The following FILIP1L variants were observed in gnomAD, a reference collection of about 807,000 sequenced individuals.
FILIP1L encodes filamin A interacting protein 1 like.
In FILIP1L, 55 loss-of-function variants were observed where a neutral mutation model predicts 96.6. That is an observed-to-expected ratio of 0.57 (90% CI 0.46 to 0.71). FILIP1L has a LOEUF of 0.71. Ranked by LOEUF, FILIP1L falls within the 30% of genes least tolerant of loss-of-function variation. FILIP1L has a pLI of 0.00. For synonymous variants in FILIP1L, 467 were observed against 473.9 expected, an observed-to-expected ratio of 0.99 and a Z score of 0.19; for missense variants, 1,304 against 1,321.2, an observed-to-expected ratio of 0.99 and a Z score of 0.20.
At chr3:99,971,009 T>C (rs1202206925) in intron 1 of FILIP1L, among the ~76,000 whole-genome samples, 1 of 152,178 alleles carries the variant, frequency 6.6e-6, no homozygotes, top group Non-Finnish European at 1.5e-5. Context: ...ACAAGATATT[T>C]AACAGCAAGG....
chr3:99,877,700 T>A (rs901845526), intron 4 of FILIP1L, among the ~76,000 whole-genome samples: 3 of 152,236 alleles, frequency 2.0e-5, no homozygotes. Context: ...TGCATTGTAA[T>A]CTTTTTAGTC....
chr3:100,097,590 T>G (rs2107449913), intron 1 of FILIP1L, among the ~76,000 whole-genome samples: 1 of 152,346 alleles, frequency 6.6e-6, no homozygotes, highest in South Asian at 2.1e-4. Context: ...ATATACATGT[T>G]TTGTTGGATT....
intron 1 of FILIP1L, among the ~76,000 whole-genome samples, chr3:100,052,871 G>T (rs2065397572): frequency 6.6e-6 from 1 of 152,042 alleles, no homozygotes; most frequent in East Asian, 1.9e-4. Context: ...ATCCTTAAGT[G>T]CCTTGTTATT....
chr3:99,834,457 C>T (rs977141440), intron 5 of FILIP1L, among the ~76,000 whole-genome samples: 2 of 152,196 alleles, frequency 1.3e-5, no homozygotes, highest in South Asian at 2.1e-4. Flanking sequence ...GCAGTGGGGG[C>T]AATCCAAGAA....
chr3:100,026,660 C>T (rs2064927451), intron 1 of FILIP1L, among the ~76,000 whole-genome samples: 1 of 152,146 alleles, frequency 6.6e-6, no homozygotes. Flanking sequence ...ACATCTAATT[C>T]ATCAGGAAAT....
rs546759371 is a variant in FILIP1L, at chr3:100,076,396, C to T, written c.-11+37657G>A. 5.3e-5 allele frequency among the ~76,000 whole-genome samples: 8 copies of T among 152,326 alleles called. No individual in the cohort carries two copies. The Middle Eastern group carries it at 0.014, about 259-fold the overall frequency. The stretch of plus-strand genomic sequence containing the variant: ...AACTGAGCTGTTTTTACTCACCACC[C>T]GCCCAACACCCTTCTTTTTCTTTTA... On this transcript the variant is annotated intron_variant, in intron 1 of 5. Coordinates refer to ENST00000477258, the MANE Select transcript of FILIP1L (RefSeq NM_001387850.1).
intron 4 of FILIP1L, among the ~76,000 whole-genome samples, chr3:99,858,401 G>A (rs1164062032): frequency 6.6e-6 from 1 of 152,022 alleles, no homozygotes; most frequent in Non-Finnish European, 1.5e-5. Context: ...TGAGGCAGAG[G>A]TTGCAATGAG....
At chr3:99,987,962 C>T (rs1372867796) in intron 1 of FILIP1L, among the ~76,000 whole-genome samples, 1 of 152,116 alleles carries the variant, frequency 6.6e-6, no homozygotes, top group African/African-American at 2.4e-5. Flanking sequence ...TCTTCCAGGC[C>T]ATCATTCTGT....
chr3:99,998,719 T>C (rs2107156490), intron 1 of FILIP1L, among the ~76,000 whole-genome samples: 1 of 152,312 alleles, frequency 6.6e-6, no homozygotes, highest in East Asian at 1.9e-4. Context: ...CATGCCACCA[T>C]GCCCCAGCCA....
Position 99,850,181 on chromosome 3 carries a change from T to A in FILIP1L, c.1495A>T (p.Met499Leu), listed in dbSNP as rs1295642241. ...ATTGTTTTCCGTTCATCTACAAACA[T>A]CACAGTTAATGTTTTCAGTTTAGTT... ...DLTKLKTLTVMFVDERKTMSE... is the reference protein window; with the variant it reads ...DLTKLKTLTVLFVDERKTMSE... The change falls in exon 5 of 6, where the codon ATG becomes TTG. Residue 499 changes from methionine to leucine, a missense_variant. Transcript: ENST00000477258. 2 of 1,611,280 alleles carry A rather than the reference T, an allele frequency of 1.2e-6. No homozygotes were observed. The highest frequency in any genetic ancestry group is 2.2e-5 in the East Asian group (1 of 44,874).
At chr3:100,069,215 A>C (rs1444867554) in intron 1 of FILIP1L, among the ~76,000 whole-genome samples, 1 of 152,156 alleles carries the variant, frequency 6.6e-6, no homozygotes, top group Non-Finnish European at 1.5e-5. Flanking sequence ...AAAAAGGTGC[A>C]ATTCTATTTC....
At chr3:99,859,645 T>A (rs1401450583) in intron 4 of FILIP1L, among the ~76,000 whole-genome samples, 1 of 152,236 alleles carries the variant, frequency 6.6e-6, no homozygotes, top group African/African-American at 2.4e-5. Context: ...GCAATTCTTG[T>A]CTAATACATA....
intron 4 of FILIP1L, among the ~76,000 whole-genome samples, chr3:99,885,386 T>G (rs1705860345): frequency 6.6e-6 from 1 of 152,228 alleles, no homozygotes; most frequent in African/African-American, 2.4e-5. Context: ...CAAACTTATC[T>G]TATTATTGCT....
intron 5 of FILIP1L, chr3:99,848,066 C>G: frequency 1.5e-6 from 2 of 1,295,510 alleles, no homozygotes; most frequent in Non-Finnish European, 2.0e-6. Flanking sequence ...ATTTTCCATA[C>G]AAGTATGTAA....
At chr3:99,987,354 C>T (rs1709371917) in intron 1 of FILIP1L, among the ~76,000 whole-genome samples, 1 of 151,454 alleles carries the variant, frequency 6.6e-6, no homozygotes, top group Admixed American at 6.6e-5. Flanking sequence ...GATGGTGAAA[C>T]CTTGCCTCTA....
At chr3:99,865,780 A>C (rs187839096) in intron 4 of FILIP1L, among the ~76,000 whole-genome samples, 5 of 151,862 alleles carry the variant, frequency 3.3e-5, no homozygotes, top group Admixed American at 3.3e-4. Flanking sequence ...ATCCTTAGAA[A>C]TATGTGTGTA....
intron 1 of FILIP1L, chr3:100,040,932 A>T (rs1401963553): frequency 6.6e-6 from 1 of 152,232 alleles, no homozygotes; most frequent in Non-Finnish European, 1.5e-5. Context: ...TCTCATTTTA[A>T]AAAGAAAAAG....
intron 1 of FILIP1L, among the ~76,000 whole-genome samples, chr3:100,106,759 G>T (rs1338884898): frequency 6.6e-6 from 1 of 152,132 alleles, no homozygotes; most frequent in African/African-American, 2.4e-5. Flanking sequence ...CACTCAAATT[G>T]TGTCTAACTG....
At chr3:99,992,496 C>CT (rs1165910122) in intron 1 of FILIP1L, among the ~76,000 whole-genome samples, 1 of 151,852 alleles carries the variant, frequency 6.6e-6, no homozygotes, top group Non-Finnish European at 1.5e-5. Context: ...TTTTTGCCTA[C>CT]TTTTAAATGG....
Sources: allele counts gnomAD v4.1 joint callset (sites outside exome capture counted in the v4.1 genomes callset), GRCh38; gene constraint gnomAD v4.1.1; transcripts MANE v1.5; gene names NCBI Gene and HGNC (gene_info 2026-07-23, HGNC 2026-07-21).